VPS13A: variants seen among roughly 807,000 people sequenced by gnomAD.
The protein encoded by VPS13A is vacuolar protein sorting 13 homolog A, also known as intermembrane lipid transfer protein VPS13A.
A neutral mutation model predicts 390.9 loss-of-function variants in VPS13A; 264 were observed. That is an observed-to-expected ratio of 0.68 (90% CI 0.61 to 0.75). The LOEUF is 0.75. Ranked by LOEUF, VPS13A falls within the 30% of genes least tolerant of loss-of-function variation. The pLI is 0.00. For synonymous variants in VPS13A, 1,231 were observed against 1,227.1 expected, an observed-to-expected ratio of 1.00 and a Z score of -0.07; for missense variants, 3,409 against 3,733.9, an observed-to-expected ratio of 0.91 and a Z score of 2.27.
chr9:77,314,080 T>A lies in VPS13A; in HGVS notation c.4203T>A (p.Asp1401Glu), dbSNP rs1829244192. The change falls in exon 36 of 72, where the codon GAT becomes GAA. Residue 1401 changes from aspartate to glutamate, a missense_variant. Around this residue, in one of 5 missense-constraint regions of VPS13A, gnomAD observed 2,717 missense variants for 2,917.4 expected, o/e 0.93. Coordinates refer to ENST00000360280, the MANE Select transcript of VPS13A (RefSeq NM_033305.3). ...CACTAAACATAAGCTTCAAAACTGA[T>A]GATCTCACCATGGTGCTGTATAGTC... ...KTTLNISFKT[D>E]DLTMVLYSPG... 1 of 1,613,300 alleles carries A rather than the reference T, an allele frequency of 6.2e-7. No homozygotes were observed.
At position 77,371,075 on chromosome 9, in the gene VPS13A, T is replaced by G. The variant is rs1227244086; in HGVS notation, c.9003T>G (p.Gly3001=). The part of the protein sequence containing the change: ...AAGFFKGVGK[G]LVGAVARPTG... ...GTTTCTTTAAAGGTGTTGGGAAAGG[T>G]TTAGTAGGAGCGGTAGCAAGGCCAA... Residue 3001 remains glycine (G), a synonymous_variant, in exon 67 of 72, where the codon GGT becomes GGG. Transcript: ENST00000360280. 6 of 1,613,812 alleles carry G rather than the reference T, an allele frequency of 3.7e-6. No homozygotes were observed. The highest frequency in any genetic ancestry group is 3.3e-4 in the Middle Eastern group (2 of 6,084).
At chr9:77,273,904 C>A (rs1826492060) in intron 24 of VPS13A, among the ~76,000 whole-genome samples, 1 of 152,126 alleles carries the variant, frequency 6.6e-6, no homozygotes, top group Admixed American at 6.5e-5. Context: ...GTCTTCAGAG[C>A]TTTTCCTGTG....
chr9:77,339,188 T>G (rs1488530044), intron 47 of VPS13A: 3 of 267,362 alleles, frequency 1.1e-5, no homozygotes, highest in Non-Finnish European at 2.1e-5. Context: ...TAAGATTGTC[T>G]TTTTGTCGTT....
chr9:77,318,235 G>T lies in VPS13A; in HGVS notation c.4957G>T (p.Val1653Phe). The T allele has an allele frequency of 6.3e-7, 1 of 1,581,532 alleles. No homozygotes were observed. Among genetic ancestry groups the T allele is most frequent in the Non-Finnish European group, 8.6e-7 (1 of 1,162,180 alleles). Reference sequence around the variant, plus strand: ...GACTTATTAATTTTTTTCCATTTAGGTTTCACCAGTTATTATAAATACTAT... The same window carrying T: ...GACTTATTAATTTTTTTCCATTTAGTTTTCACCAGTTATTATAAATACTAT... Reference protein sequence around the residue: ...DMSVKSLTLKVSPVIINTMIT... With the variant: ...DMSVKSLTLKFSPVIINTMIT... Residue 1653 changes from valine to phenylalanine, a missense_variant and splice_region_variant, in exon 41 of 72, where the codon GTT becomes TTT. Transcript: ENST00000360280.
chr9:77,327,783 T>A (rs946116011), intron 45 of VPS13A, among the ~76,000 whole-genome samples: 2 of 152,120 alleles, frequency 1.3e-5, no homozygotes, highest in Non-Finnish European at 2.9e-5. Flanking sequence ...CAATTCTAAT[T>A]CTAGTTCTCT....
Position 77,182,134 on chromosome 9 carries a change from C to T in VPS13A, c.100+4330C>T, listed in dbSNP as rs199714307. 1.1e-4 allele frequency among the ~76,000 whole-genome samples: 17 copies of T among 152,276 alleles called. No individual in the cohort carries two copies. In the East Asian group the frequency reaches 3.1e-3, roughly 28 times the overall value. On this transcript the variant is annotated intron_variant, in intron 1 of 71. Coordinates refer to ENST00000360280, the MANE Select transcript of VPS13A (RefSeq NM_033305.3). The stretch of plus-strand genomic sequence containing the variant: ...TTTGAGACGGAGTCTCGTTCTGTCA[C>T]CCGGGTGGGAGTGCAGTGACGCGAT...
At chr9:77,299,835 A>C (rs1417276428) in intron 33 of VPS13A, among the ~76,000 whole-genome samples, 2 of 152,148 alleles carry the variant, frequency 1.3e-5, no homozygotes, top group Non-Finnish European at 2.9e-5. Flanking sequence ...CAGAAAACCA[A>C]ATACCACCAC....
At chr9:77,353,377 G>GTTTTTTT in intron 53 of VPS13A, 32 bp from the exon 54 acceptor site, 1 of 1,276,008 alleles carries the variant, frequency 7.8e-7, no homozygotes, top group Non-Finnish European at 1.1e-6. Flanking sequence ...TAATTTTTTG[G>GTTTTTTT]TTTTTTTTTT....
At chr9:77,394,366 C>T (rs1451694950) in intron 68 of VPS13A, among the ~76,000 whole-genome samples, 1 of 152,084 alleles carries the variant, frequency 6.6e-6, no homozygotes, top group East Asian at 1.9e-4. Flanking sequence ...CTCATGTGGC[C>T]AGGGCTCTAG....
At chr9:77,386,646 T>TA (rs1296530294) in intron 68 of VPS13A, among the ~76,000 whole-genome samples, 2 of 152,088 alleles carry the variant, frequency 1.3e-5, no homozygotes, top group Admixed American at 6.5e-5. Flanking sequence ...TGTGTGGTCT[T>TA]AGAGTTTCAT....
At chr9:77,332,743 TGAA>T (rs1248797480) in intron 46 of VPS13A, among the ~76,000 whole-genome samples, 69 of 152,304 alleles carry the variant, frequency 4.5e-4, no homozygotes, top group African/African-American at 1.4e-3. Flanking sequence ...ATGTGGAAAT[TGAA>T]CCTTATTGGA....
chr9:77,302,012 C>T (rs898258541), intron 33 of VPS13A, among the ~76,000 whole-genome samples: 6 of 150,976 alleles, frequency 4.0e-5, no homozygotes, highest in Non-Finnish European at 5.9e-5. Flanking sequence ...GGCTGGAGAG[C>T]AATGGCATGA....
At chr9:77,227,627 C>T (rs757426693) in intron 16 of VPS13A, 142 bp downstream of exon 16, 2 of 641,608 alleles carry the variant, frequency 3.1e-6, no homozygotes, top group Non-Finnish European at 5.4e-6. Flanking sequence ...AGCAATCCTC[C>T]CACCTCAGCC....
At chr9:77,265,055 G>T (rs1433033951) in intron 23 of VPS13A, among the ~76,000 whole-genome samples, 1 of 152,098 alleles carries the variant, frequency 6.6e-6, no homozygotes, top group East Asian at 1.9e-4. Context: ...TGAGGTAATC[G>T]TGTGGTTTTT....
chr9:77,238,059 A>G lies in VPS13A; in HGVS notation c.1653A>G (p.Lys551=), dbSNP rs1452653625. The change falls in exon 18 of 72, where the codon AAA becomes AAG. Residue 551 remains lysine (K), a synonymous_variant. Transcript: ENST00000360280. The part of the protein sequence containing the change: ...HITGLPDNSE[K]PRLLSSLDDA... ...CTGGCTTACCAGATAATTCAGAAAA[A>G]CCCCGCCTCCTGTCTTCATTGGATG... The G allele has an allele frequency of 1.2e-6, 2 of 1,613,298 alleles. No individual in the cohort carries two copies. Among genetic ancestry groups the G allele is most frequent in the Non-Finnish European group, 1.7e-6 (2 of 1,179,652 alleles).
At chr9:77,401,293 A>G (rs1407352755) in intron 68 of VPS13A, among the ~76,000 whole-genome samples, 1 of 148,470 alleles carries the variant, frequency 6.7e-6, no homozygotes, top group Non-Finnish European at 1.5e-5. Flanking sequence ...CTCCTACCCC[A>G]TGCTCCAAAA....
At chr9:77,284,114 A>G (rs1009554833) in intron 31 of VPS13A, among the ~76,000 whole-genome samples, 1 of 152,064 alleles carries the variant, frequency 6.6e-6, no homozygotes, top group Non-Finnish European at 1.5e-5. Context: ...ATGATAAGAG[A>G]GTCCTTTGAA....
intron 17 of VPS13A, among the ~76,000 whole-genome samples, chr9:77,236,870 C>A (rs190028796): frequency 1.1e-4 from 16 of 152,236 alleles, no homozygotes; most frequent in African/African-American, 3.6e-4. Flanking sequence ...ATGCCACAGG[C>A]TCTCCCTGTT....
At chr9:77,415,816 C>A in intron 71 of VPS13A, 140 bp from the exon 72 acceptor site, 1 of 922,048 alleles carries the variant, frequency 1.1e-6, no homozygotes, top group Non-Finnish European at 1.7e-6. Flanking sequence ...ATCTCTTTTG[C>A]AGGATGAATT....
Sources: allele counts gnomAD v4.1 joint callset (sites outside exome capture counted in the v4.1 genomes callset), GRCh38; gene constraint gnomAD v4.1.1; regional missense constraint gnomAD v4.1.1; transcripts MANE v1.5; gene names NCBI Gene and HGNC (gene_info 2026-07-23, HGNC 2026-07-21).